The following PDXDC1 variants were observed in gnomAD, a reference collection of about 807,000 sequenced individuals.
PDXDC1 encodes pyridoxal dependent decarboxylase domain containing 1, also known as pyridoxal-dependent decarboxylase domain-containing protein 1.
A neutral mutation model predicts 100.1 loss-of-function variants in PDXDC1; 42 were observed. The observed-to-expected ratio is 0.42, with a 90% confidence interval of 0.33 to 0.54. PDXDC1 has a LOEUF of 0.54. Ranked by LOEUF, PDXDC1 falls within the 20% of genes least tolerant of loss-of-function variation. PDXDC1 has a pLI of 0.10. For synonymous variants in PDXDC1, 260 were observed against 371.7 expected, an observed-to-expected ratio of 0.70 and a Z score of 3.46; for missense variants, 636 against 979.2, an observed-to-expected ratio of 0.65 and a Z score of 4.68.
In PDXDC1 at chr16:15,091,209, C is replaced by T. The variant is rs1427767670; in HGVS notation, c.1400-47670C>T. Reference sequence around the variant, plus strand: ...ACCACCAGATTAAAATAAGGGAGGACCATGGAGAGAGCAAGTTCTGGAGGA... The same window carrying T: ...ACCACCAGATTAAAATAAGGGAGGATCATGGAGAGAGCAAGTTCTGGAGGA... On this transcript the variant is annotated intron_variant, in intron 16 of 16. Transcript: ENST00000535621. 2.1e-5 allele frequency: 29 copies of T among 1,396,734 alleles called. 1 individual carries two copies. The highest frequency in any genetic ancestry group is 4.2e-5 in the Admixed American group (2 of 48,080). 86.5% of individuals were successfully genotyped at this position (1,396,734 alleles called of 1,614,324 possible). A position where few individuals can be genotyped will look rare whatever the true frequency, so the allele number is the denominator to read the frequency against.
At chr16:15,028,710 G>A (rs2042819461) in intron 14 of PDXDC1, among the ~76,000 whole-genome samples, 168 bp from the exon 15 acceptor site, 1 of 152,302 alleles carries the variant, frequency 6.6e-6, no homozygotes, top group South Asian at 2.1e-4. Flanking sequence ...CATAGATCAC[G>A]AGGAAAAAGA....
intron 16 of PDXDC1, chr16:15,056,032 GGCCGCCC>G (rs1245133902): frequency 1.2e-6 from 1 of 823,534 alleles, no homozygotes; most frequent in Non-Finnish European, 1.5e-6. Flanking sequence ...TGCAGCCCCG[GGCCGCCC>G]GCCGCCCCCG....
chr16:15,148,141 C>G, the PDXDC1 span, among the ~76,000 whole-genome samples: 10 of 151,632 alleles, frequency 6.6e-5, no homozygotes, highest in South Asian at 1.9e-3. Flanking sequence ...GGCGCCACCA[C>G]TAATATCTAT....
Position 15,034,823 on chromosome 16 carries a change from A to G in PDXDC1, c.2002+270A>G, listed in dbSNP as rs557878838. ...TGAGGACACGCCCACTCAGCCGTGC[A>G]GACTCTCAGGGTGCTGTGTCTTGGG... is the stretch of plus-strand genomic sequence containing the variant. On this transcript the variant is annotated intron_variant, in intron 21 of 22. Coordinates refer to ENST00000396410, the MANE Select transcript of PDXDC1 (RefSeq NM_015027.4). Among the ~76,000 whole-genome samples, 3 of 152,318 alleles carry G rather than the reference A, an allele frequency of 2.0e-5. No homozygotes were observed. The East Asian group carries it at 5.8e-4, about 29-fold the overall frequency.
chr16:15,066,864 T>C (rs1210251375), intron 16 of PDXDC1, among the ~76,000 whole-genome samples: 2 of 151,976 alleles, frequency 1.3e-5, no homozygotes, highest in Non-Finnish European at 2.9e-5. Context: ...CCCCTGCTCT[T>C]AGCCTCACAT....
chr16:15,152,184 A>G, the PDXDC1 span, among the ~76,000 whole-genome samples: 2 of 126,802 alleles, frequency 1.6e-5, no homozygotes, highest in African/African-American at 5.3e-5. Context: ...TCCACCTGGA[A>G]CTGGACACAG....
At chr16:15,045,852 A>C (rs2044039059) in intron 16 of PDXDC1, 1 of 152,220 alleles carries the variant, frequency 6.6e-6, no homozygotes, top group Admixed American at 6.5e-5. Context: ...TCAGACACAA[A>C]ATCTTCCTAA....
intron 16 of PDXDC1, among the ~76,000 whole-genome samples, chr16:15,081,601 A>C (rs1381112579): frequency 6.6e-6 from 1 of 152,170 alleles, no homozygotes; most frequent in African/African-American, 2.4e-5. Context: ...TAAAATTTAG[A>C]AATATTTCCT....
At chr16:15,007,845 A>G (rs1331872806) in intron 6 of PDXDC1, among the ~76,000 whole-genome samples, 2 of 152,292 alleles carry the variant, frequency 1.3e-5, no homozygotes, top group Non-Finnish European at 2.9e-5. Flanking sequence ...AAGATGTGTA[A>G]GAGTGTTCTG....
At chr16:15,100,339 A>G (rs2046495854) in intron 16 of PDXDC1, among the ~76,000 whole-genome samples, 1 of 152,222 alleles carries the variant, frequency 6.6e-6, no homozygotes, top group East Asian at 1.9e-4. Flanking sequence ...GCAAGATCTC[A>G]ACTATATATC....
chr16:15,124,762 ACT>A (rs1364244303), intron 16 of PDXDC1, among the ~76,000 whole-genome samples: 3 of 151,588 alleles, frequency 2.0e-5, no homozygotes, highest in South Asian at 2.1e-4. Context: ...ACAGAGCGAG[ACT>A]CTGTCTCAAA....
intron 1 of PDXDC1, chr16:14,989,271 G>A: frequency 6.2e-7 from 1 of 1,613,666 alleles, no homozygotes; most frequent in Non-Finnish European, 8.5e-7. Flanking sequence ...GGGCACCTGG[G>A]GGATAATGGG....
intron 1 of PDXDC1, among the ~76,000 whole-genome samples, chr16:14,983,758 C>T (rs1254134663): frequency 1.3e-5 from 2 of 152,264 alleles, no homozygotes; most frequent in Non-Finnish European, 2.9e-5. Context: ...ATTTACTCCC[C>T]CTTTATGAAA....
In PDXDC1 at chr16:15,036,035, G is replaced by A. The variant is rs1459075056; in HGVS notation, c.2127G>A (p.Arg709=). The A allele has an allele frequency of 6.2e-7, 1 of 1,613,866 alleles. No individual in the cohort carries two copies. Among genetic ancestry groups the A allele is most frequent in the East Asian group, 2.2e-5 (1 of 44,884 alleles). Residue 709 remains arginine, a synonymous_variant, in exon 23 of 23, where the codon AGG becomes AGA. Coordinates refer to ENST00000396410, the MANE Select transcript of PDXDC1 (RefSeq NM_015027.4). ...QRLPGQKPFK[R]SLRGSDALSE... Reference sequence around the variant, plus strand: ...CTGTAGGCCAGAAGCCTTTTAAAAGGTCCCTGCGAGGTTCAGATGCTTTGA... The same window carrying A: ...CTGTAGGCCAGAAGCCTTTTAAAAGATCCCTGCGAGGTTCAGATGCTTTGA...
intron 16 of PDXDC1, chr16:15,092,367 T>C (rs1183883876): frequency 4.6e-6 from 3 of 654,302 alleles, no homozygotes; most frequent in Non-Finnish European, 8.3e-6. Context: ...AATTTTGCAC[T>C]GACGGCATCA....
chr16:15,147,565 C>T, the PDXDC1 span, among the ~76,000 whole-genome samples: 402 of 152,292 alleles, frequency 2.6e-3, 3 homozygotes, highest in Non-Finnish European at 2.7e-3. Flanking sequence ...TTCACTCTGT[C>T]TCCCAGGCTG....
intron 16 of PDXDC1, among the ~76,000 whole-genome samples, chr16:15,083,204 G>A (rs1483599740): frequency 1.3e-5 from 2 of 152,304 alleles, no homozygotes; most frequent in South Asian, 2.1e-4. Context: ...TTCGATACCA[G>A]TGTGGCCAAT....
chr16:14,981,986 G>A (rs189547432), intron 1 of PDXDC1, among the ~76,000 whole-genome samples: 35 of 152,338 alleles, frequency 2.3e-4, no homozygotes, highest in Non-Finnish European at 4.3e-4. Flanking sequence ...CCACCACCGC[G>A]CCCAGCTAAT....
chr16:15,131,599 G>A (rs1471000938), intron 16 of PDXDC1: 37 of 1,603,858 alleles, frequency 2.3e-5, no homozygotes, highest in Non-Finnish European at 4.3e-6. Flanking sequence ...CATGAGGGCA[G>A]AGGTCAGGTT....
Sources: allele counts gnomAD v4.1 joint callset (sites outside exome capture counted in the v4.1 genomes callset), GRCh38; gene constraint gnomAD v4.1.1; transcripts MANE v1.5; gene names NCBI Gene and HGNC (gene_info 2026-07-23, HGNC 2026-07-21).